The following KIAA1549 variants were observed in gnomAD, a reference collection of about 807,000 sequenced individuals.
KIAA1549 encodes the protein UPF0606 protein KIAA1549.
In KIAA1549, 70 loss-of-function variants were observed where a neutral mutation model predicts 156.4. The observed-to-expected ratio is 0.45, with a 90% CI of 0.37 to 0.55. The LOEUF is 0.55. Ranked by LOEUF, KIAA1549 falls within the 20% of genes least tolerant of loss-of-function variation. The pLI is 0.00. For synonymous variants in KIAA1549, 1,103 were observed against 1,066.4 expected (o/e 1.03, Z -0.67); for missense variants, 2,428 against 2,540.9 (o/e 0.96, Z 0.96).
chr7:138,911,687 G>C (rs1214319900), intron 3 of KIAA1549, among the ~76,000 whole-genome samples: 2 of 152,060 alleles, frequency 1.3e-5, no homozygotes, highest in African/African-American at 2.4e-5. Context: ...AAAAACATAA[G>C]AACAGGTGAA....
chr7:138,902,751 G>A (rs1309114999), intron 8 of KIAA1549, among the ~76,000 whole-genome samples: 1 of 152,090 alleles, frequency 6.6e-6, no homozygotes, highest in Non-Finnish European at 1.5e-5. Flanking sequence ...AGATGTTGTA[G>A]TGAGCTGAGA....
chr7:138,897,384 G>A (rs779092208), intron 9 of KIAA1549, among the ~76,000 whole-genome samples: 1 of 152,110 alleles, frequency 6.6e-6, no homozygotes, highest in African/African-American at 2.4e-5. Context: ...GGTCTCCAGG[G>A]ACAAGTACAG....
chr7:138,975,116 GGAGGCAGTGATGATGCGAGCTAA>G (rs1211649794), intron 1 of KIAA1549, among the ~76,000 whole-genome samples: 3 of 152,202 alleles, frequency 2.0e-5, no homozygotes, highest in African/African-American at 7.2e-5. Flanking sequence ...ACGAGGCAGT[GGAGGCAGTGATGATGCGAGCTAA>G]GAGGCAGTGA....
At chr7:138,850,222 T>G (rs1029667261) in intron 17 of KIAA1549, among the ~76,000 whole-genome samples, 14 of 152,178 alleles carry the variant, frequency 9.2e-5, no homozygotes, top group African/African-American at 3.4e-4. Flanking sequence ...CACTCTGTGC[T>G]GCTGTTTTCT....
chr7:138,950,746 AT>A (rs1813471997), intron 1 of KIAA1549, among the ~76,000 whole-genome samples: 1 of 152,134 alleles, frequency 6.6e-6, no homozygotes, highest in Admixed American at 6.5e-5. Flanking sequence ...ATGTCTTGGT[AT>A]GGGGGTTCCC....
intron 1 of KIAA1549, among the ~76,000 whole-genome samples, chr7:138,964,654 A>G (rs539537683): frequency 6.6e-6 from 1 of 152,310 alleles, no homozygotes; most frequent in African/African-American, 2.4e-5. Context: ...CCAATGAACA[A>G]TCAGAGAAAT....
intron 1 of KIAA1549, among the ~76,000 whole-genome samples, chr7:138,961,507 G>C (rs1813846740): frequency 1.3e-5 from 2 of 152,272 alleles, no homozygotes; most frequent in East Asian, 3.9e-4. Context: ...GGCTGCTGCT[G>C]TACACAAAAG....
At chr7:138,956,136 C>T (rs79669611) in intron 1 of KIAA1549, among the ~76,000 whole-genome samples, 13,462 of 152,212 alleles carry the variant, frequency 0.088, 651 homozygotes, top group African/African-American at 0.1. Context: ...TCAAGCGACA[C>T]GCCCACCTCA....
chr7:138,893,833 G>A (rs1014761360), intron 10 of KIAA1549, among the ~76,000 whole-genome samples: 6 of 152,244 alleles, frequency 3.9e-5, no homozygotes, highest in African/African-American at 1.4e-4. Flanking sequence ...CACTTCGGGA[G>A]GCCAAGGCAG....
chr7:138,980,160 C>A (rs1211918427), intron 1 of KIAA1549, among the ~76,000 whole-genome samples: 3 of 152,214 alleles, frequency 2.0e-5, no homozygotes, highest in East Asian at 3.9e-4. Flanking sequence ...CAGCTCTCCA[C>A]CCCTAGCTGC....
Position 138,835,797 on chromosome 7 carries a change from C to T in KIAA1549, c.*2109G>A, listed in dbSNP as rs371783727. On this transcript the variant is annotated 3_prime_UTR_variant, in exon 20 of 20. Coordinates refer to ENST00000422774, the MANE Select transcript of KIAA1549 (RefSeq NM_001164665.2). ...TTAAACCAAAACCAAGACATCAAGC[C>T]CAGAAAGGGGCATTCTCTCCAATGC... The T allele has an allele frequency of 4.5e-6, 1 of 221,442 alleles. No individual in the cohort carries two copies. Among genetic ancestry groups the T allele is most frequent in the East Asian group, 6.6e-5 (1 of 15,152 alleles). The allele number at this position is 221,442 out of a possible 1,614,324, so 13.7% of individuals were successfully genotyped here.
At chr7:138,892,402 T>A (rs1811569698) in intron 10 of KIAA1549, among the ~76,000 whole-genome samples, 1 of 152,228 alleles carries the variant, frequency 6.6e-6, no homozygotes, top group Non-Finnish European at 1.5e-5. Flanking sequence ...ACTGGTTAAC[T>A]CCCTCTGTAA....
chr7:138,911,698 A>G (rs1478327444), intron 3 of KIAA1549, among the ~76,000 whole-genome samples: 2 of 152,396 alleles, frequency 1.3e-5, no homozygotes, highest in Non-Finnish European at 2.9e-5. Flanking sequence ...AACAGGTGAA[A>G]TTAATTTTAA....
At chr7:138,892,912 T>C (rs1169772118) in intron 10 of KIAA1549, among the ~76,000 whole-genome samples, 2 of 152,150 alleles carry the variant, frequency 1.3e-5, no homozygotes, top group African/African-American at 4.8e-5. Flanking sequence ...GCAGGATGAG[T>C]CCTCCAAATC....
rs766807541 is a variant in KIAA1549 at position 138,879,539 on chromosome 7, G to A, written c.4344C>T (p.Ser1448=). The part of the protein sequence containing the change: ...NDGRSHRAPQ[S]GPPLPSSGNE... ...GGAAGAACCAGAAGAGTCACAGACC[G>A]CTCTGCGGAGCTCTGTGGGACCTGC... Residue 1448 remains serine (S), a splice_region_variant and synonymous_variant, in exon 12 of 20, where the codon AGC becomes AGT. Coordinates refer to ENST00000422774, the MANE Select transcript of KIAA1549 (RefSeq NM_001164665.2). 1.0e-5 allele frequency: 16 copies of A among 1,549,054 alleles called. No individual in the cohort carries two copies. The highest frequency in any genetic ancestry group is 4.8e-5 in the East Asian group (2 of 41,512).
intron 12 of KIAA1549, among the ~76,000 whole-genome samples, chr7:138,875,438 A>G (rs1008520350): frequency 1.3e-5 from 2 of 152,006 alleles, no homozygotes; most frequent in African/African-American, 2.4e-5. Flanking sequence ...TGAGCCCAGG[A>G]GTTCAAAACC....
At chr7:138,867,160 G>A (rs748983697) in intron 15 of KIAA1549, among the ~76,000 whole-genome samples, 8 of 151,998 alleles carry the variant, frequency 5.3e-5, no homozygotes, top group East Asian at 1.9e-4. Context: ...AAGCAAATAC[G>A]CTATCTTCTT....
At chr7:138,970,022 G>T (rs1312908802) in intron 1 of KIAA1549, among the ~76,000 whole-genome samples, 2 of 152,032 alleles carry the variant, frequency 1.3e-5, no homozygotes, top group African/African-American at 4.8e-5. Flanking sequence ...AATTATTTTT[G>T]ACTATAGTCA....
At chr7:138,932,145 A>G (rs1388758818) in intron 1 of KIAA1549, among the ~76,000 whole-genome samples, 2 of 152,240 alleles carry the variant, frequency 1.3e-5, no homozygotes, top group Non-Finnish European at 2.9e-5. Context: ...AGAATAGGCC[A>G]TGCTAAAATT....
Sources: allele counts gnomAD v4.1 joint callset (sites outside exome capture counted in the v4.1 genomes callset), GRCh38; gene constraint gnomAD v4.1.1; transcripts MANE v1.5; gene names NCBI Gene and HGNC (gene_info 2026-07-23, HGNC 2026-07-21).